The following WAPL variants were observed in gnomAD, a reference collection of about 807,000 sequenced individuals.
WAPL encodes WAPL cohesin release factor.
WAPL carries 5 observed loss-of-function variants against 121.0 expected under a neutral mutation model. That is an observed-to-expected ratio of 0.04 (90% confidence interval 0.02 to 0.09). The LOEUF (loss-of-function observed/expected upper bound fraction) is 0.09, where lower values mean the gene tolerates loss of function less well. Ranked by LOEUF, WAPL falls within the 10% of genes least tolerant of loss-of-function variation. The pLI, the probability that WAPL is intolerant of heterozygous loss-of-function variation, is 1.00. For synonymous variants in WAPL, 480 were observed against 481.5 expected, an observed-to-expected ratio of 1.00 and a Z score of 0.04; for missense variants, 999 against 1,410.8, an observed-to-expected ratio of 0.71 and a Z score of 4.68.
At chr10:86,506,702 A>T (rs1842357011) in intron 2 of WAPL, among the ~76,000 whole-genome samples, 1 of 152,138 alleles carries the variant, frequency 6.6e-6, no homozygotes, top group Non-Finnish European at 1.5e-5. Context: ...GGGTAGGAGG[A>T]TCACTTAAGC....
In WAPL at chr10:86,517,779, A is replaced by G. The variant is rs779591608; in HGVS notation, c.291T>C (p.Tyr97=). ...KNLAQVKCSS[Y]SESSEAAQLE... ...ACTGAGCAGCTTCACTAGATTCTGA[A>G]TAAGAGGAACACTTAACCTGGGCTA... The change falls in exon 2 of 19, where the codon TAT becomes TAC. Residue 97 remains tyrosine, a synonymous_variant. Coordinates refer to ENST00000298767, the MANE Select transcript of WAPL (RefSeq NM_015045.5). 4 of 1,614,200 alleles carry G rather than the reference A, an allele frequency of 2.5e-6. No homozygotes were observed. Among genetic ancestry groups the G allele is most frequent in the Non-Finnish European group, 3.4e-6 (4 of 1,180,028 alleles).
rs371957904 is a variant in WAPL at position 86,521,525 on chromosome 10, TG to T, written c.-184del. On this transcript the variant is annotated 5_prime_UTR_variant, in exon 1 of 19. Coordinates refer to ENST00000298767, the MANE Select transcript of WAPL (RefSeq NM_015045.5). ...GCTTTCGGTAAATAGGAAGCCCGGTTGGGGGGGCAGGAGCGGCGGCCCCGCA... is the reference window on the plus strand; with the variant it reads ...GCTTTCGGTAAATAGGAAGCCCGGTTGGGGGGCAGGAGCGGCGGCCCCGCA... 1.1e-5 allele frequency: 4 copies of T among 364,826 alleles called. No homozygotes were observed. The highest frequency in any genetic ancestry group is 1.2e-4 in the East Asian group (1 of 8,176). 22.6% of individuals were successfully genotyped at this position (364,826 alleles called of 1,614,324 possible).
intron 2 of WAPL, among the ~76,000 whole-genome samples, chr10:86,503,670 G>C (rs995699038): frequency 6.6e-6 from 1 of 151,128 alleles, no homozygotes; most frequent in Non-Finnish European, 1.5e-5. Context: ...GGAGAATGGC[G>C]TGAACCCGGA....
chr10:86,513,506 T>C (rs991087250), intron 2 of WAPL, among the ~76,000 whole-genome samples: 1 of 152,060 alleles, frequency 6.6e-6, no homozygotes, highest in Non-Finnish European at 1.5e-5. Flanking sequence ...TTAATTTTTG[T>C]ATTTTTTTTA....
At chr10:86,474,802 A>G (rs1841615545) in intron 4 of WAPL, among the ~76,000 whole-genome samples, 1 of 152,214 alleles carries the variant, frequency 6.6e-6, no homozygotes, top group South Asian at 2.1e-4. Context: ...TATTCTTCCT[A>G]CTACCAATTC....
chr10:86,437,427 G>T lies in WAPL; in HGVS notation c.*116C>A, dbSNP rs1447615948. On this transcript the variant is annotated 3_prime_UTR_variant, in exon 19 of 19. Transcript: ENST00000298767. ...CAGGTGGCCTTAAAAATCCAAACAC[G>T]AATGATACTGATGAATGTTCTTGGT... is the stretch of plus-strand genomic sequence containing the variant. 12 of 1,089,962 alleles carry T rather than the reference G, an allele frequency of 1.1e-5. No homozygotes were observed. The highest frequency in any genetic ancestry group is 2.0e-4 in the Middle Eastern group (1 of 4,882). The allele number at this position is 1,089,962 out of a possible 1,614,324, so 67.5% of individuals were successfully genotyped here.
In WAPL at chr10:86,472,693, T is replaced by G. The variant is rs957215006; in HGVS notation, c.1812A>C (p.Lys604Asn). The G allele has an allele frequency of 6.2e-7, 1 of 1,613,982 alleles. No individual in the cohort carries two copies. Among genetic ancestry groups the G allele is most frequent in the Non-Finnish European group, 8.5e-7 (1 of 1,179,910 alleles). ...TAGGTATTGTCACAGTTTTTATCAC[T>G]TTGGATGGTGGTGCAGGAGCCTTAA... is the stretch of plus-strand genomic sequence containing the variant. ...GVFKAPAPPS[K>N]VIKTVTIPTQ... The change falls in exon 6 of 19, where the codon AAA becomes AAC. Residue 604 changes from lysine to asparagine, a missense_variant. Lys to Asn is a moderately conservative substitution (Grantham distance 94). Coordinates refer to ENST00000298767, the MANE Select transcript of WAPL (RefSeq NM_015045.5). This position sits in a 1 kb window ranked among gnomAD's most constrained non-coding sequence, Gnocchi z 4.2.
chr10:86,483,460 GT>G (rs1265976730), intron 4 of WAPL, among the ~76,000 whole-genome samples: 1 of 151,568 alleles, frequency 6.6e-6, no homozygotes, highest in Non-Finnish European at 1.5e-5. Flanking sequence ...ATTAGATACA[GT>G]AAGTAACACT....
Position 86,435,666 on chromosome 10 carries a change from A to C in WAPL, c.*1877T>G, listed in dbSNP as rs967206078. On this transcript the variant is annotated 3_prime_UTR_variant, in exon 19 of 19. Transcript: ENST00000298767. ...TAGTTATTATTTAAAAAACAAAACAAAACAAAAAACTGTTAAACACTGAGG... is the reference window on the plus strand; with the variant it reads ...TAGTTATTATTTAAAAAACAAAACACAACAAAAAACTGTTAAACACTGAGG... 5.2e-5 allele frequency: 8 copies of C among 152,562 alleles called. No individual in the cohort carries two copies. Among genetic ancestry groups the C allele is most frequent in the Admixed American group, 3.9e-4 (6 of 15,270 alleles). 9.5% of individuals were successfully genotyped at this position (152,562 alleles called of 1,614,324 possible).
intron 12 of WAPL, 84 bp from the exon 13 acceptor site, chr10:86,453,915 A>G: frequency 8.5e-7 from 1 of 1,178,332 alleles, no homozygotes; most frequent in East Asian, 3.1e-5. Flanking sequence ...CCTAAAGGCT[A>G]TCGGATGAAA....
intron 3 of WAPL, among the ~76,000 whole-genome samples, chr10:86,497,880 CAACT>C (rs1296409029): frequency 6.6e-6 from 1 of 152,210 alleles, no homozygotes; most frequent in Non-Finnish European, 1.5e-5. Context: ...TCTTCAAACA[CAACT>C]AACCAAAGAG....
At chr10:86,513,609 C>A (rs952598109) in intron 2 of WAPL, among the ~76,000 whole-genome samples, 1 of 152,102 alleles carries the variant, frequency 6.6e-6, no homozygotes, top group Non-Finnish European at 1.5e-5. Flanking sequence ...GCCGCCACAC[C>A]CGCAACAAAA....
chr10:86,505,786 A>G (rs181206149), intron 2 of WAPL, among the ~76,000 whole-genome samples: 17 of 152,342 alleles, frequency 1.1e-4, no homozygotes, highest in African/African-American at 4.1e-4. Context: ...TACAATTTCA[A>G]AAAGAACAAG....
rs543583388 is a variant in WAPL at position 86,456,417 on chromosome 10, AAAG to A, written c.2657+2569_2657+2571del. ...ACTTTATGATACCAAAAAAAAAAAAAAAGGATTCTCAAGATACTACCCAAAATA... is the reference window on the plus strand; with the variant it reads ...ACTTTATGATACCAAAAAAAAAAAAAGATTCTCAAGATACTACCCAAAATA... On this transcript the variant is annotated intron_variant, in intron 12 of 18. Coordinates refer to ENST00000298767, the MANE Select transcript of WAPL (RefSeq NM_015045.5). Among the ~76,000 whole-genome samples the A allele has an allele frequency of 5.3e-4, 80 of 152,170 alleles. 1 individual carries two copies. The East Asian group carries it at 0.015, about 29-fold the overall frequency.
intron 2 of WAPL, among the ~76,000 whole-genome samples, chr10:86,507,938 T>C (rs1012111673): frequency 6.6e-6 from 1 of 152,138 alleles, no homozygotes; most frequent in Non-Finnish European, 1.5e-5. Context: ...TGCTTCTCTA[T>C]CTCTTCATTC....
chr10:86,444,133 C>T (rs911720776), intron 16 of WAPL: 3 of 152,214 alleles, frequency 2.0e-5, no homozygotes, highest in African/African-American at 7.2e-5. Context: ...CATCATTAAT[C>T]ACCAGGGAAC....
At chr10:86,451,872 G>C in intron 15 of WAPL, 95 bp downstream of exon 15, 1 of 1,401,658 alleles carries the variant, frequency 7.1e-7, no homozygotes, top group Non-Finnish European at 9.8e-7. Context: ...GCAGTGGATG[G>C]GCAAGAAAAG....
chr10:86,476,624 G>A (rs1841661120), intron 4 of WAPL, among the ~76,000 whole-genome samples: 1 of 151,354 alleles, frequency 6.6e-6, no homozygotes, highest in Non-Finnish European at 1.5e-5. Context: ...GGGAGGTGGA[G>A]GTTGCAGTGA....
At chr10:86,452,559 T>G (rs1248687212) in intron 14 of WAPL, among the ~76,000 whole-genome samples, 1 of 150,688 alleles carries the variant, frequency 6.6e-6, no homozygotes, top group Non-Finnish European at 1.5e-5. Flanking sequence ...GCCACTGCAC[T>G]CCAGCCTGGG....
Sources: allele counts gnomAD v4.1 joint callset (sites outside exome capture counted in the v4.1 genomes callset), GRCh38; gene constraint gnomAD v4.1.1; non-coding constraint Gnocchi (gnomAD v3.1); transcripts MANE v1.5; gene names NCBI Gene and HGNC (gene_info 2026-07-23, HGNC 2026-07-21).